NKAIN2: variants seen among roughly 807,000 people sequenced by gnomAD.
NKAIN2 encodes sodium/potassium-transporting ATPase subunit beta-1-interacting protein 2.
Under a neutral mutation model 32.6 loss-of-function variants are expected in NKAIN2, and 14 were observed. The observed-to-expected ratio is 0.43, with a 90% CI of 0.28 to 0.67. The LOEUF (loss-of-function observed/expected upper bound fraction) is 0.67, where lower values mean the gene tolerates loss of function less well. NKAIN2 is among the 30% of genes least tolerant of loss of function. The pLI is 0.17. For synonymous variants in NKAIN2, 80 were observed against 87.2 expected (o/e 0.92, Z 0.46); for missense variants, 198 against 258.3 (o/e 0.77, Z 1.60).
At chr6:124,201,656 T>C (rs950458315) in intron 1 of NKAIN2, among the ~76,000 whole-genome samples, 1 of 151,744 alleles carries the variant, frequency 6.6e-6, no homozygotes, top group Admixed American at 6.6e-5. Context: ...CCTCAAGGAG[T>C]GAGAAGGATA....
intron 1 of NKAIN2, among the ~76,000 whole-genome samples, chr6:124,219,008 G>A (rs1417274470): frequency 3.3e-5 from 5 of 152,068 alleles, no homozygotes; most frequent in African/African-American, 1.2e-4. Flanking sequence ...AGAGAATAGT[G>A]AAGAAGGAAC....
intron 1 of NKAIN2, among the ~76,000 whole-genome samples, chr6:123,937,003 A>G (rs1425059373): frequency 6.6e-6 from 1 of 152,078 alleles, no homozygotes; most frequent in Non-Finnish European, 1.5e-5. Context: ...AGAAAAAACA[A>G]TCAGGTCTGT....
chr6:123,898,652 C>G (rs1774404140), intron 1 of NKAIN2, among the ~76,000 whole-genome samples: 1 of 151,776 alleles, frequency 6.6e-6, no homozygotes, highest in African/African-American at 2.4e-5. Context: ...GAGTACCAGG[C>G]CTGTATAGTT....
intron 4 of NKAIN2, among the ~76,000 whole-genome samples, chr6:124,767,240 A>G (rs564121488): frequency 1.3e-5 from 2 of 151,840 alleles, no homozygotes; most frequent in Admixed American, 6.6e-5. Flanking sequence ...ATGCTTAAGT[A>G]ATTTCTGATT....
chr6:124,594,276 T>C (rs1170361921), intron 3 of NKAIN2, among the ~76,000 whole-genome samples: 2 of 152,188 alleles, frequency 1.3e-5, no homozygotes, highest in Non-Finnish European at 2.9e-5. Context: ...AGTGCAATGA[T>C]GATCGAATCA....
chr6:124,105,449 C>T (rs888730853), intron 1 of NKAIN2, among the ~76,000 whole-genome samples: 1 of 152,102 alleles, frequency 6.6e-6, no homozygotes, highest in African/African-American at 2.4e-5. Context: ...GCCTGTGCAT[C>T]AGTGGTTCTC....
At chr6:124,517,496 T>A (rs1407800842) in intron 3 of NKAIN2, among the ~76,000 whole-genome samples, 1 of 152,110 alleles carries the variant, frequency 6.6e-6, no homozygotes, top group Non-Finnish European at 1.5e-5. Context: ...CCTCCATCAA[T>A]GTGCTAATCA....
intron 1 of NKAIN2, among the ~76,000 whole-genome samples, chr6:124,180,683 G>A (rs927154183): frequency 1.3e-5 from 2 of 152,174 alleles, no homozygotes; most frequent in African/African-American, 4.8e-5. Flanking sequence ...CTGAGACAAG[G>A]CAAGTCCTTT....
chr6:124,347,593 C>G (rs1018292859), intron 2 of NKAIN2, among the ~76,000 whole-genome samples: 1 of 152,120 alleles, frequency 6.6e-6, no homozygotes, highest in Admixed American at 6.5e-5. Context: ...TTTCATCTTC[C>G]GTCACTGATA....
intron 1 of NKAIN2, among the ~76,000 whole-genome samples, chr6:124,128,207 C>T (rs1489113199): frequency 6.6e-6 from 1 of 152,136 alleles, no homozygotes; most frequent in Non-Finnish European, 1.5e-5. Flanking sequence ...CTTCACCTCA[C>T]CTAAGGACAT....
intron 5 of NKAIN2, among the ~76,000 whole-genome samples, chr6:124,804,857 C>A (rs9385346): frequency 2.0e-5 from 3 of 152,080 alleles, no homozygotes; most frequent in East Asian, 1.9e-4. Context: ...CACCTGGCTC[C>A]GAGGGTCCTA....
intron 1 of NKAIN2, among the ~76,000 whole-genome samples, chr6:124,212,311 A>G (rs902898137): frequency 3.9e-5 from 6 of 152,250 alleles, no homozygotes; most frequent in African/African-American, 1.4e-4. Flanking sequence ...TGCGACTTCA[A>G]TCTTCCAATA....
intron 4 of NKAIN2, among the ~76,000 whole-genome samples, chr6:124,741,015 C>G (rs141934434): frequency 1.3e-5 from 2 of 151,670 alleles, no homozygotes; most frequent in African/African-American, 2.4e-5. Flanking sequence ...AAAAATAATT[C>G]CAATTCTGGA....
intron 1 of NKAIN2, among the ~76,000 whole-genome samples, chr6:124,186,836 G>A (rs971216641): frequency 4.6e-5 from 7 of 152,208 alleles, no homozygotes; most frequent in African/African-American, 1.7e-4. Flanking sequence ...ATAAGCATTA[G>A]AGCCACCATG....
At chr6:124,020,107 G>C (rs930576967) in intron 1 of NKAIN2, among the ~76,000 whole-genome samples, 3 of 152,128 alleles carry the variant, frequency 2.0e-5, no homozygotes, top group African/African-American at 7.2e-5. Context: ...TATTTGAACA[G>C]AGAAGGCAGC....
At chr6:124,557,841 G>A (rs536962301) in intron 3 of NKAIN2, among the ~76,000 whole-genome samples, 3 of 152,102 alleles carry the variant, frequency 2.0e-5, no homozygotes, top group Non-Finnish European at 4.4e-5. Flanking sequence ...TACTAACAGC[G>A]CATCACTTTG....
chr6:124,363,525 A>T (rs1228870446), intron 3 of NKAIN2, among the ~76,000 whole-genome samples: 1 of 152,226 alleles, frequency 6.6e-6, no homozygotes, highest in East Asian at 1.9e-4. Flanking sequence ...GTACCAGGCT[A>T]AAAATATAAA....
At chr6:124,297,581 A>G (rs1467106801) in intron 2 of NKAIN2, among the ~76,000 whole-genome samples, 1 of 151,950 alleles carries the variant, frequency 6.6e-6, no homozygotes. Context: ...CTCTCCCTGG[A>G]TCATACCACC....
At chr6:124,267,945 T>G (rs984691698) in intron 1 of NKAIN2, among the ~76,000 whole-genome samples, 3 of 152,216 alleles carry the variant, frequency 2.0e-5, no homozygotes, top group Non-Finnish European at 4.4e-5. Flanking sequence ...CTTTTATATC[T>G]TAATTATTGT....
Sources: gnomAD v4.1 joint callset for allele counts (sites outside exome capture counted in the v4.1 genomes callset) on GRCh38, gnomAD v4.1.1 for gene constraint, MANE v1.5 for transcripts, NCBI Gene and HGNC (gene_info 2026-07-23, HGNC 2026-07-21) for gene names.